The following NUCB2 variants were observed in gnomAD, a reference collection of about 807,000 sequenced individuals.
NUCB2 encodes the protein nucleobindin 2.
NUCB2 carries 48 observed loss-of-function variants against 57.9 expected under a neutral mutation model. The observed-to-expected ratio is 0.83, with a 90% CI of 0.66 to 1.05. The LOEUF (loss-of-function observed/expected upper bound fraction) is 1.05, where lower values mean the gene tolerates loss of function less well. Ranked by LOEUF, NUCB2 falls within the 50% of genes least tolerant of loss-of-function variation. The pLI is 0.00. For missense variants in NUCB2, 442 were observed against 476.2 expected, an observed-to-expected ratio of 0.93 and a Z score of 0.67; for synonymous variants, 139 against 152.1, an observed-to-expected ratio of 0.91 and a Z score of 0.64.
downstream of NUCB2, among the ~76,000 whole-genome samples, chr11:17,336,339 C>G (rs1404164179): frequency 6.6e-6 from 1 of 152,000 alleles, no homozygotes; most frequent in African/African-American, 2.4e-5. Flanking sequence ...TGTTGGCACT[C>G]AAAAAGTTTT....
chr11:17,306,046 GAAAAT>G, intron 5 of NUCB2, among the ~76,000 whole-genome samples: 1 of 152,274 alleles, frequency 6.6e-6, no homozygotes. Context: ...TTTAAATGTA[GAAAAT>G]AAAATCATAA....
chr11:17,301,866 T>C lies in NUCB2; in HGVS notation c.375T>C (p.Leu125=), dbSNP rs751249240. 1 of 1,611,834 alleles carries C rather than the reference T, an allele frequency of 6.2e-7. No individual in the cohort carries two copies. The highest frequency in any genetic ancestry group is 1.1e-5 in the South Asian group (1 of 90,442). The change falls in exon 5 of 14, where the codon CTT becomes CTC. Residue 125 remains leucine (L), a synonymous_variant. Transcript: ENST00000529010. ...RMLIKAKLDS[L]QDIGMDHQAL... is the part of the protein sequence containing the mutation. ...TAATTAAAGCTAAGTTGGATTCCCT[T>C]CAAGGTAAGTGCTAAACAAAAGGTA... is the stretch of plus-strand genomic sequence containing the variant.
At chr11:17,296,996 A>G (rs1945921951) in intron 4 of NUCB2, among the ~76,000 whole-genome samples, 2 of 152,194 alleles carry the variant, frequency 1.3e-5, no homozygotes, top group Admixed American at 1.3e-4. Context: ...CCTATTTGAC[A>G]TAATTCCAGC....
At chr11:17,303,405 T>TA in intron 5 of NUCB2, among the ~76,000 whole-genome samples, 1 of 152,260 alleles carries the variant, frequency 6.6e-6, no homozygotes, top group Non-Finnish European at 1.5e-5. Context: ...TCTAATATTA[T>TA]AAATCATCAT....
intron 1 of NUCB2, among the ~76,000 whole-genome samples, chr11:17,277,937 A>G (rs533612099): frequency 1.4e-4 from 21 of 152,312 alleles, no homozygotes; most frequent in African/African-American, 5.1e-4. Flanking sequence ...AAAATTCTGG[A>G]AATTTAGAAT....
Position 17,330,414 on chromosome 11 carries a change from A to G in NUCB2, c.1173+117A>G, listed in dbSNP as rs1047718071. ...TAGTACACTGCTATAGCTATACTAT[A>G]GTATTTTAAATTTTAATACTTTAAA... is the stretch of plus-strand genomic sequence containing the variant. On this transcript the variant is annotated intron_variant, in intron 12 of 13. Coordinates refer to ENST00000529010, the MANE Select transcript of NUCB2 (RefSeq NM_005013.4). The surrounding 1 kb of genome is among the most constrained non-coding windows in gnomAD (Gnocchi z 4.3). 1.9e-6 allele frequency: 1 copy of G among 538,650 alleles called. No individual in the cohort carries two copies. Among genetic ancestry groups the G allele is most frequent in the African/African-American group, 2.0e-5 (1 of 50,806 alleles). 33.4% of individuals were successfully genotyped at this position (538,650 alleles called of 1,614,324 possible).
At chr11:17,291,990 A>G (rs1189342277) in intron 2 of NUCB2, among the ~76,000 whole-genome samples, 2 of 152,180 alleles carry the variant, frequency 1.3e-5, no homozygotes, top group Admixed American at 6.6e-5. Flanking sequence ...TAATCATTTT[A>G]AATGAATGGT....
At chr11:17,309,701 T>G (rs1948198893) in intron 6 of NUCB2, 26 bp downstream of exon 6, 1 of 1,436,226 alleles carries the variant, frequency 7.0e-7, no homozygotes, top group South Asian at 1.2e-5. Context: ...AAAAGTTTTG[T>G]CTTTATTGTG....
At chr11:17,324,842 C>T (rs1215900875) in intron 11 of NUCB2, among the ~76,000 whole-genome samples, 2 of 151,778 alleles carry the variant, frequency 1.3e-5, no homozygotes, top group East Asian at 1.9e-4. Context: ...CACTCTGTTG[C>T]CCTGGCTAGA....
chr11:17,287,422 G>T (rs370299366), intron 2 of NUCB2, among the ~76,000 whole-genome samples: 147 of 151,456 alleles, frequency 9.7e-4, no homozygotes, highest in African/African-American at 3.4e-3. Context: ...CTGTAATCTC[G>T]GCACTTTGGG....
chr11:17,278,751 A>G (rs977543893), intron 1 of NUCB2, among the ~76,000 whole-genome samples: 1 of 152,216 alleles, frequency 6.6e-6, no homozygotes, highest in African/African-American at 2.4e-5. Context: ...CTCTGAACAC[A>G]TACTAAACTA....
At chr11:17,298,211 C>T (rs1946151446) in intron 4 of NUCB2, among the ~76,000 whole-genome samples, 1 of 151,552 alleles carries the variant, frequency 6.6e-6, no homozygotes, top group Admixed American at 6.6e-5. Flanking sequence ...GAGACCCTGT[C>T]ACTACAAAAA....
At position 17,324,958 on chromosome 11, in the gene NUCB2, C is replaced by T. The variant is rs568791092; in HGVS notation, c.1003-5169C>T. Reference sequence around the variant, plus strand: ...CTGGGATTACAGATGTGTGCCACAACGCCCGGCTAATTTTTGTATCTTTTT... The same window carrying T: ...CTGGGATTACAGATGTGTGCCACAATGCCCGGCTAATTTTTGTATCTTTTT... On this transcript the variant is annotated intron_variant, in intron 11 of 13. Coordinates refer to ENST00000529010, the MANE Select transcript of NUCB2 (RefSeq NM_005013.4). 2.6e-3 allele frequency among the ~76,000 whole-genome samples: 388 copies of T among 152,050 alleles called. 2 individuals carry two copies. Among genetic ancestry groups the T allele is most frequent in the Non-Finnish European group, 1.8e-3 (121 of 67,988 alleles).
intron 2 of NUCB2, among the ~76,000 whole-genome samples, chr11:17,343,390 T>C (rs1489371456): frequency 6.6e-6 from 1 of 152,260 alleles, no homozygotes; most frequent in East Asian, 1.9e-4. Context: ...TCAACTTTAG[T>C]TCATTTTCAA....
At chr11:17,307,877 C>T (rs767927784) in intron 5 of NUCB2, among the ~76,000 whole-genome samples, 23 of 152,074 alleles carry the variant, frequency 1.5e-4, no homozygotes, top group Admixed American at 2.6e-4. Context: ...TACACATACC[C>T]GCCAGCAATA....
intron 5 of NUCB2, among the ~76,000 whole-genome samples, chr11:17,306,558 C>G (rs961832714): frequency 6.6e-6 from 1 of 152,164 alleles, no homozygotes; most frequent in African/African-American, 2.4e-5. Context: ...GGGACAACTT[C>G]CATCCCCTCA....
At chr11:17,346,903 G>GA (rs998179677) in intron 2 of NUCB2, among the ~76,000 whole-genome samples, 1 of 151,724 alleles carries the variant, frequency 6.6e-6, no homozygotes, top group Admixed American at 6.6e-5. Context: ...TTGTTATTTT[G>GA]AAAAAAAATT....
At chr11:17,300,481 A>T (rs1946525484) in intron 4 of NUCB2, among the ~76,000 whole-genome samples, 1 of 152,016 alleles carries the variant, frequency 6.6e-6, no homozygotes, top group Non-Finnish European at 1.5e-5. Context: ...ATCTCTGTGG[A>T]TTTGCCTGTT....
intron 2 of NUCB2, among the ~76,000 whole-genome samples, chr11:17,285,257 C>T (rs893070021): frequency 2.0e-5 from 3 of 151,768 alleles, no homozygotes; most frequent in African/African-American, 7.3e-5. Flanking sequence ...GAAACCCCGT[C>T]TCTACTAAAA....
Sources: allele counts gnomAD v4.1 joint callset (sites outside exome capture counted in the v4.1 genomes callset), GRCh38; gene constraint gnomAD v4.1.1; non-coding constraint Gnocchi (gnomAD v3.1); transcripts MANE v1.5; gene names NCBI Gene and HGNC (gene_info 2026-07-23, HGNC 2026-07-21).